Variants in MEI4 observed in about 807,000 individuals in gnomAD.
MEI4 encodes the protein meiosis-specific protein MEI4.
MEI4 carries 27 observed loss-of-function variants against 31.4 expected under a neutral mutation model. That is an observed-to-expected ratio of 0.86 (90% CI 0.63 to 1.19). MEI4 has a LOEUF of 1.19. MEI4 is among the 50% of genes most tolerant of loss of function. The pLI is 0.00. For synonymous variants in MEI4, 122 were observed against 145.4 expected, an observed-to-expected ratio of 0.84 and a Z score of 1.16; for missense variants, 329 against 398.9, an observed-to-expected ratio of 0.82 and a Z score of 1.49.
chr6:77,790,931 A>G (rs1768907181), intron 3 of MEI4, among the ~76,000 whole-genome samples: 1 of 152,174 alleles, frequency 6.6e-6, no homozygotes, highest in African/African-American at 2.4e-5. Flanking sequence ...ACATGAAAAA[A>G]CGCTCATCAT....
chr6:77,918,096 C>G (rs1370893751), intron 4 of MEI4, among the ~76,000 whole-genome samples: 1 of 150,208 alleles, frequency 6.7e-6, no homozygotes, highest in Non-Finnish European at 1.5e-5. Flanking sequence ...GGCGTTATTT[C>G]TGAGGGCTCT....
intron 3 of MEI4, among the ~76,000 whole-genome samples, chr6:77,787,103 G>A (rs1269266709): frequency 6.6e-6 from 1 of 152,086 alleles, no homozygotes; most frequent in Non-Finnish European, 1.5e-5. Context: ...CTTGGAGGTA[G>A]ACACATTGTG....
chr6:77,825,084 A>C (rs973635128), intron 3 of MEI4, among the ~76,000 whole-genome samples: 2 of 152,148 alleles, frequency 1.3e-5, no homozygotes, highest in Non-Finnish European at 2.9e-5. Flanking sequence ...TTATATTCTT[A>C]TAATTTGATG....
chr6:77,856,867 G>A (rs986799840), intron 4 of MEI4, among the ~76,000 whole-genome samples: 4 of 149,918 alleles, frequency 2.7e-5, no homozygotes, highest in African/African-American at 4.9e-5. Flanking sequence ...TTTACATTTT[G>A]TGCCCACTTG....
At chr6:77,714,029 T>G (rs1308936259) in intron 2 of MEI4, among the ~76,000 whole-genome samples, 2 of 152,166 alleles carry the variant, frequency 1.3e-5, no homozygotes, top group African/African-American at 4.8e-5. Flanking sequence ...GATAATGGCC[T>G]CCAGCTCTAT....
chr6:77,695,667 C>T (rs1041999861), intron 2 of MEI4, among the ~76,000 whole-genome samples: 2 of 152,108 alleles, frequency 1.3e-5, no homozygotes, highest in Non-Finnish European at 2.9e-5. Flanking sequence ...GTTACTGTAG[C>T]CTTGTAGTAT....
At chr6:77,814,653 T>C (rs1004021313) in intron 3 of MEI4, among the ~76,000 whole-genome samples, 7 of 152,140 alleles carry the variant, frequency 4.6e-5, no homozygotes, top group Admixed American at 2.6e-4. Flanking sequence ...AGCTACTCTA[T>C]GTTCACCTTA....
chr6:77,694,635 G>T (rs1024544942), intron 2 of MEI4, among the ~76,000 whole-genome samples: 8 of 152,038 alleles, frequency 5.3e-5, no homozygotes, highest in Non-Finnish European at 1.2e-4. Context: ...GTGTATATGT[G>T]CCACATTTTC....
intron 4 of MEI4, among the ~76,000 whole-genome samples, chr6:77,896,272 G>A (rs956484527): frequency 3.9e-5 from 6 of 152,064 alleles, no homozygotes; most frequent in Non-Finnish European, 7.4e-5. Flanking sequence ...CCACCAGTCT[G>A]CTCAATCCAA....
intron 4 of MEI4, among the ~76,000 whole-genome samples, chr6:77,915,633 G>A (rs755216033): frequency 1.8e-4 from 27 of 151,982 alleles, no homozygotes; most frequent in Non-Finnish European, 2.8e-4. Flanking sequence ...AGTGTTGGGT[G>A]CATATGTGTT....
At chr6:77,761,081 A>C in intron 2 of MEI4, 49 bp from the exon 3 acceptor site, 2 of 1,192,772 alleles carry the variant, frequency 1.7e-6, no homozygotes, top group Non-Finnish European at 2.1e-6. Flanking sequence ...TTTTACATGA[A>C]GAAATTTCAG....
chr6:77,765,767 G>A (rs186877582), intron 3 of MEI4, among the ~76,000 whole-genome samples: 1 of 149,658 alleles, frequency 6.7e-6, no homozygotes, highest in Non-Finnish European at 1.5e-5. Context: ...ATGCACAATA[G>A]CAAAGACTTG....
intron 3 of MEI4, 72 bp downstream of exon 3, chr6:77,761,737 G>A: frequency 1.9e-6 from 2 of 1,062,720 alleles, no homozygotes; most frequent in Non-Finnish European, 2.4e-6. Context: ...GGTAATGTCT[G>A]TTGTTGTCCC....
intron 4 of MEI4, among the ~76,000 whole-genome samples, chr6:77,871,255 T>C (rs913508568): frequency 1.3e-5 from 2 of 152,172 alleles, no homozygotes; most frequent in African/African-American, 4.8e-5. Context: ...GGGGTAGGCT[T>C]GGAATCTTGA....
Position 77,886,554 on chromosome 6 carries a change from CCA to C in MEI4, c.901-36534_901-36533del, listed in dbSNP as rs1409270091. Reference sequence around the variant, plus strand: ...CAAGCAATTCTCCTGCCTCAGCCTCCCAAGTAGCTGGAATTACAGGCACCCAC... The same window carrying C: ...CAAGCAATTCTCCTGCCTCAGCCTCCAGTAGCTGGAATTACAGGCACCCAC... On this transcript the variant is annotated intron_variant, in intron 4 of 4. Transcript: ENST00000684080. Among the ~76,000 whole-genome samples, 24 of 152,172 alleles carry C rather than the reference CCA, an allele frequency of 1.6e-4. No individual in the cohort carries two copies. The East Asian group carries it at 3.3e-3, about 21-fold the overall frequency.
chr6:77,710,627 C>T (rs1369850412), intron 2 of MEI4, among the ~76,000 whole-genome samples: 1 of 148,936 alleles, frequency 6.7e-6, no homozygotes, highest in Non-Finnish European at 1.5e-5. Context: ...AAAAGACTTT[C>T]TGAAACTCTT....
intron 2 of MEI4, among the ~76,000 whole-genome samples, chr6:77,704,625 G>T (rs774916538): frequency 6.6e-6 from 1 of 152,136 alleles, no homozygotes; most frequent in Non-Finnish European, 1.5e-5. Flanking sequence ...TCTAAGTGGG[G>T]CTCAGCAGTT....
chr6:77,851,883 G>T (rs1015535808), intron 4 of MEI4, among the ~76,000 whole-genome samples: 1 of 152,070 alleles, frequency 6.6e-6, no homozygotes, highest in Non-Finnish European at 1.5e-5. Context: ...TAATGACCTA[G>T]ACATATATTC....
intron 4 of MEI4, among the ~76,000 whole-genome samples, chr6:77,891,049 T>A (rs1014585356): frequency 6.6e-6 from 1 of 152,214 alleles, no homozygotes; most frequent in African/African-American, 2.4e-5. Flanking sequence ...TACAGATACT[T>A]CTTTCTTGCT....
Sources: allele counts gnomAD v4.1 joint callset (sites outside exome capture counted in the v4.1 genomes callset), GRCh38; gene constraint gnomAD v4.1.1; transcripts MANE v1.5; gene names NCBI Gene and HGNC (gene_info 2026-07-23, HGNC 2026-07-21).